Variants in ZCCHC17 observed in about 807,000 individuals in gnomAD.
ZCCHC17 encodes zinc finger CCHC-type containing 17, also known as zinc finger CCHC domain-containing protein 17.
Under a neutral mutation model 30.6 loss-of-function variants are expected in ZCCHC17, and 18 were observed. The ratio of observed to expected loss-of-function variants is 0.59; its 90% CI spans 0.41 to 0.87. ZCCHC17 has a LOEUF of 0.87. ZCCHC17 is among the 40% of genes least tolerant of loss of function. The pLI is 0.00. For missense variants in ZCCHC17, 263 were observed against 284.2 expected (o/e 0.93, Z 0.54); for synonymous variants, 88 against 92.4 (o/e 0.95, Z 0.27).
intron 3 of ZCCHC17, among the ~76,000 whole-genome samples, chr1:31,336,488 T>C (rs192081967): frequency 7.0e-4 from 106 of 152,256 alleles, no homozygotes; most frequent in African/African-American, 2.5e-3. Context: ...GAGCATTACA[T>C]TTTTTAAATT....
intron 7 of ZCCHC17, among the ~76,000 whole-genome samples, chr1:31,362,323 G>A (rs1163783999): frequency 6.6e-6 from 1 of 152,194 alleles, no homozygotes; most frequent in African/African-American, 2.4e-5. Flanking sequence ...CTCTGAGGCT[G>A]CTGGTTGGAA....
intron 5 of ZCCHC17, among the ~76,000 whole-genome samples, chr1:31,346,191 A>C (rs1005350613): frequency 6.6e-6 from 1 of 152,152 alleles, no homozygotes; most frequent in Non-Finnish European, 1.5e-5. Flanking sequence ...GAGCAAAAGC[A>C]CTGAGCCACA....
intron 5 of ZCCHC17, among the ~76,000 whole-genome samples, chr1:31,340,766 A>AATTATGTC (rs1431542192): frequency 6.6e-6 from 1 of 152,220 alleles, no homozygotes; most frequent in African/African-American, 2.4e-5. Context: ...GCTCAATGAC[A>AATTATGTC]ATTATGTCAT....
chr1:31,299,147 G>C (rs983609321), intron 1 of ZCCHC17, among the ~76,000 whole-genome samples: 3 of 152,186 alleles, frequency 2.0e-5, no homozygotes, highest in Non-Finnish European at 4.4e-5. Flanking sequence ...AACCTACACA[G>C]TATTTTTCAT....
At position 31,339,040 on chromosome 1, in the gene ZCCHC17, TATC is replaced by T. The variant is rs1189340366; in HGVS notation, c.312_314del (p.Ile105del). 5.6e-6 allele frequency: 9 copies of T among 1,604,180 alleles called. No individual in the cohort carries two copies. Among genetic ancestry groups the T allele is most frequent in the Non-Finnish European group, 5.9e-6 (7 of 1,176,970 alleles). On this transcript the variant is annotated inframe_deletion, in exon 5 of 8. Coordinates refer to ENST00000344147, the MANE Select transcript of ZCCHC17 (RefSeq NM_016505.4). Reference sequence around the variant, plus strand: ...GGAAAGACCTTGATCCCAACAATGTTATCATTGAGTAAGTAAAAGGTTTGGAAA... The same window carrying T: ...GGAAAGACCTTGATCCCAACAATGTTATTGAGTAAGTAAAAGGTTTGGAAA...
At position 31,348,842 on chromosome 1, in the gene ZCCHC17, A is replaced by C; in HGVS notation, c.432A>C (p.Lys144Asn). Residue 144 changes from lysine to asparagine, a missense_variant, in exon 7 of 8, where the codon AAA becomes AAC. Physicochemically the swap from Lys to Asn is moderately conservative, Grantham distance 94. Transcript: ENST00000344147. ...TTTCTTCTGCAGGCCACTTTGCAAA[A>C]GATTGTTTCATGCAACCAGGTGGGA... ...KKCGCKGHFA[K>N]DCFMQPGGTK... The C allele has an allele frequency of 6.2e-7, 1 of 1,612,590 alleles. No homozygotes were observed.
At chr1:31,301,344 C>T (rs542099120) in intron 1 of ZCCHC17, among the ~76,000 whole-genome samples, 2 of 152,290 alleles carry the variant, frequency 1.3e-5, no homozygotes, top group Admixed American at 6.5e-5. Flanking sequence ...TGATTTGAAT[C>T]CCATCCCCAT....
chr1:31,342,897 G>A (rs1639098812), intron 5 of ZCCHC17, among the ~76,000 whole-genome samples: 2 of 152,154 alleles, frequency 1.3e-5, no homozygotes, highest in Admixed American at 6.5e-5. Context: ...GGAAGGAATG[G>A]TATTTCAGGC....
At chr1:31,330,017 T>G (rs1268872763) in intron 3 of ZCCHC17, among the ~76,000 whole-genome samples, 2 of 152,348 alleles carry the variant, frequency 1.3e-5, no homozygotes, top group East Asian at 3.9e-4. Context: ...CTTATATTAT[T>G]GTCATATACC....
intron 2 of ZCCHC17, among the ~76,000 whole-genome samples, chr1:31,317,608 A>G (rs1646767622): frequency 6.6e-6 from 1 of 150,516 alleles, no homozygotes; most frequent in African/African-American, 2.4e-5. Flanking sequence ...AAGCATGTTC[A>G]CTTTCTATAC....
At chr1:31,355,907 C>T (rs1246317358) in intron 7 of ZCCHC17, among the ~76,000 whole-genome samples, 4 of 152,098 alleles carry the variant, frequency 2.6e-5, no homozygotes, top group African/African-American at 9.7e-5. Flanking sequence ...AATCTTCTGT[C>T]TGAGATGGCT....
At chr1:31,353,382 T>C (rs994667735) in intron 7 of ZCCHC17, among the ~76,000 whole-genome samples, 1 of 152,202 alleles carries the variant, frequency 6.6e-6, no homozygotes, top group African/African-American at 2.4e-5. Flanking sequence ...CTTTTTAAAA[T>C]AGTGGTAAAG....
At chr1:31,314,318 G>A (rs1646678812) in intron 2 of ZCCHC17, among the ~76,000 whole-genome samples, 1 of 152,006 alleles carries the variant, frequency 6.6e-6, no homozygotes, top group South Asian at 2.1e-4. Context: ...TGGTTTAGAA[G>A]TGACTTGGAG....
At chr1:31,334,228 A>G (rs975211069) in intron 3 of ZCCHC17, among the ~76,000 whole-genome samples, 1 of 151,748 alleles carries the variant, frequency 6.6e-6, no homozygotes, top group Non-Finnish European at 1.5e-5. Flanking sequence ...TAGAGAAAGT[A>G]GTGGCTCCCA....
chr1:31,297,087 G>A lies in ZCCHC17; in HGVS notation c.-56+12G>A, dbSNP rs374049024. On this transcript the variant is annotated intron_variant, in intron 1 of 7. Transcript: ENST00000344147. Reference sequence around the variant, plus strand: ...GGAGCTGACGCCTAGTACGTATGAGGAAGAACGGGGTGGGTGGCTGCCTGA... The same window carrying A: ...GGAGCTGACGCCTAGTACGTATGAGAAAGAACGGGGTGGGTGGCTGCCTGA... 6 of 424,470 alleles carry A rather than the reference G, an allele frequency of 1.4e-5. No individual in the cohort carries two copies. The East Asian group carries it at 1.7e-4, about 12-fold the overall frequency. 26.3% of individuals were successfully genotyped at this position (424,470 alleles called of 1,614,324 possible).
intron 7 of ZCCHC17, among the ~76,000 whole-genome samples, chr1:31,358,887 T>C (rs528167307): frequency 5.1e-4 from 78 of 152,168 alleles, no homozygotes; most frequent in Non-Finnish European, 9.4e-4. Flanking sequence ...AGAGTAAATA[T>C]AGGGAAGAGA....
intron 5 of ZCCHC17, among the ~76,000 whole-genome samples, chr1:31,346,166 G>A (rs558971795): frequency 2.0e-5 from 3 of 152,288 alleles, no homozygotes; most frequent in African/African-American, 7.2e-5. Flanking sequence ...ATTTCAGAGA[G>A]GGGGAGAACT....
chr1:31,309,109 G>GA (rs939641999), intron 1 of ZCCHC17, among the ~76,000 whole-genome samples: 4 of 150,350 alleles, frequency 2.7e-5, no homozygotes, highest in African/African-American at 9.8e-5. Flanking sequence ...ATTTTATCAA[G>GA]AAAAAAAAAG....
At chr1:31,349,130 C>T (rs543284254) in intron 7 of ZCCHC17, among the ~76,000 whole-genome samples, 156 bp downstream of exon 7, 18 of 151,920 alleles carry the variant, frequency 1.2e-4, no homozygotes, top group African/African-American at 3.9e-4. Context: ...GGCTGCGGTG[C>T]GCTATGATTA....
Sources: gnomAD v4.1 joint callset for allele counts (sites outside exome capture counted in the v4.1 genomes callset) on GRCh38, gnomAD v4.1.1 for gene constraint, MANE v1.5 for transcripts, NCBI Gene and HGNC (gene_info 2026-07-23, HGNC 2026-07-21) for gene names.